NOTCH2NLA: variants seen among roughly 807,000 people sequenced by gnomAD.
NOTCH2NLA encodes the protein notch homolog 2 N-terminal-like protein A.
At chr1:146,158,164 TTTATTA>T (rs1223504509) in intron 3 of NOTCH2NLA, among the ~76,000 whole-genome samples, 21 of 150,414 alleles carry the variant, frequency 1.4e-4, no homozygotes, top group Non-Finnish European at 5.9e-5. Context: ...TCCTTGAATT[TTTATTA>T]TTATTATTAT....
intron 1 of NOTCH2NLA, among the ~76,000 whole-genome samples, chr1:146,210,329 CAAAGAAATAGTTGAGCCATT>C (rs1663768698): frequency 7.2e-5 from 1 of 13,942 alleles, no homozygotes; most frequent in East Asian, 1.4e-3. Context: ...CATGTGGCCT[CAAAGAAATAGTTGAGCCATT>C]ATTGTTGTTG....
intron 2 of NOTCH2NLA, among the ~76,000 whole-genome samples, chr1:146,174,400 C>CTTTTTTTTT (rs1209878010): frequency 1.0e-5 from 1 of 95,810 alleles, no homozygotes; most frequent in African/African-American, 4.1e-5. Context: ...CTGTCTTTAG[C>CTTTTTTTTT]TTTTTTTTTT....
intron 3 of NOTCH2NLA, among the ~76,000 whole-genome samples, chr1:146,159,425 AAGAAAGAAAGAAAGAAAGAAAG>A (rs1359130871): frequency 2.0e-5 from 3 of 150,416 alleles, no homozygotes; most frequent in Non-Finnish European, 3.0e-5. Flanking sequence ...GAAAGAAAGA[AAGAAAGAAAGAAAGAAAGAAAG>A]AGAAAGAAAG....
downstream of NOTCH2NLA, among the ~76,000 whole-genome samples, chr1:146,151,334 A>AG (rs1387459016): frequency 3.7e-5 from 2 of 53,528 alleles, no homozygotes; most frequent in African/African-American, 3.4e-4. Context: ...AAAAAAAAAA[A>AG]AAAAGAAAAG....
chr1:146,174,400 C>CTTTTTTT (rs1209878010), intron 2 of NOTCH2NLA, among the ~76,000 whole-genome samples: 1 of 95,810 alleles, frequency 1.0e-5, no homozygotes, highest in African/African-American at 4.1e-5. Context: ...CTGTCTTTAG[C>CTTTTTTT]TTTTTTTTTT....
At chr1:146,228,291 G>C (rs1553820249) in intron 1 of NOTCH2NLA, 1 of 871,228 alleles carries the variant, frequency 1.1e-6, no homozygotes, top group African/African-American at 1.9e-5. Context: ...GCCAGAATCT[G>C]GCATTCCTTC....
chr1:146,224,109 CA>C (rs201305025), intron 1 of NOTCH2NLA, among the ~76,000 whole-genome samples: 7 of 16,826 alleles, frequency 4.2e-4, no homozygotes, highest in East Asian at 1.0e-3. Context: ...TCTCTTGGTT[CA>C]AAAAAAAAAA....
At chr1:146,152,711 CTT>C (rs1341628330), downstream of NOTCH2NLA, 1 of 76,064 alleles carries the variant, frequency 1.3e-5, no homozygotes, top group Non-Finnish European at 2.6e-5. Flanking sequence ...CTGCTAAAGA[CTT>C]TACATAATGA....
At chr1:146,174,400 CTTT>C (rs1209878010) in intron 2 of NOTCH2NLA, among the ~76,000 whole-genome samples, 18 of 95,774 alleles carry the variant, frequency 1.9e-4, no homozygotes, top group African/African-American at 5.3e-4. Context: ...CTGTCTTTAG[CTTT>C]TTTTTTTTTT....
chr1:146,186,074 T>G (rs1662744864), intron 2 of NOTCH2NLA, among the ~76,000 whole-genome samples: 2 of 135,016 alleles, frequency 1.5e-5, no homozygotes, highest in African/African-American at 5.0e-5. Flanking sequence ...CTTGATATTG[T>G]TCTTGCTTTT....
At position 146,195,050 on chromosome 1, in the gene NOTCH2NLA, C is replaced by A. The variant is rs1469499101; in HGVS notation, c.-44-5669G>T. On this transcript the variant is annotated intron_variant, in intron 1 of 4. Coordinates refer to ENST00000362074, the Ensembl canonical transcript of NOTCH2NLA. The stretch of plus-strand genomic sequence containing the variant: ...TCTGGTCCTCACAGGGCCACCCCCC[C>A]CCATCCTTGTAACACTCATGACTCT... 1.8e-5 allele frequency among the ~76,000 whole-genome samples: 2 copies of A among 109,850 alleles called. 1 individual carries two copies. The highest frequency in any genetic ancestry group is 3.7e-5 in the Non-Finnish European group (2 of 54,488). The allele number at this position is 109,850 out of a possible 152,430, so 72.1% of individuals were successfully genotyped here. A position where few individuals can be genotyped will look rare whatever the true frequency, so the allele number is the denominator to read the frequency against.
Position 146,172,986 on chromosome 1 carries a change from A to G in NOTCH2NLA, c.39-7976T>C, listed in dbSNP as rs1364674685. Among the ~76,000 whole-genome samples the G allele has an allele frequency of 2.0e-5, 3 of 150,434 alleles. No homozygotes were observed. The East Asian group carries it at 5.9e-4, about 29-fold the overall frequency. On this transcript the variant is annotated intron_variant, in intron 2 of 4. Coordinates refer to ENST00000362074, the Ensembl canonical transcript of NOTCH2NLA. Reference sequence around the variant, plus strand: ...TCTACTCTGTGATCTGTCTGGTAGAATAACAGGCCAAATCAACCTAATAGT... The same window carrying G: ...TCTACTCTGTGATCTGTCTGGTAGAGTAACAGGCCAAATCAACCTAATAGT...
chr1:146,161,885 G>A lies in NOTCH2NLA; in HGVS notation c.298+2866C>T, dbSNP rs1263465117. The stretch of plus-strand genomic sequence containing the variant: ...TAGTATTACCATGCCCTGTGATTAA[G>A]GTCAATGGGCAACTACAACAGCCCA... On this transcript the variant is annotated intron_variant, in intron 3 of 4. Transcript: ENST00000362074. 6.5e-5 allele frequency among the ~76,000 whole-genome samples: 6 copies of A among 91,868 alleles called. 1 individual carries two copies. Among genetic ancestry groups the A allele is most frequent in the Non-Finnish European group, 1.2e-4 (6 of 49,102 alleles). 60.3% of individuals were successfully genotyped at this position (91,868 alleles called of 152,430 possible).
intron 2 of NOTCH2NLA, among the ~76,000 whole-genome samples, chr1:146,171,429 T>C (rs1237312738): frequency 7.3e-6 from 1 of 137,060 alleles, no homozygotes; most frequent in Non-Finnish European, 1.7e-5. Flanking sequence ...AGACTCCCTC[T>C]CAAAAAAAAA....
chr1:146,200,674 C>T (rs1385790650), intron 1 of NOTCH2NLA, among the ~76,000 whole-genome samples: 1 of 127,414 alleles, frequency 7.8e-6, no homozygotes, highest in Non-Finnish European at 1.7e-5. Context: ...GTTTTGATTA[C>T]TCATATTCTT....
intron 2 of NOTCH2NLA, among the ~76,000 whole-genome samples, chr1:146,175,565 ATCTC>A (rs1224354783): frequency 7.1e-6 from 1 of 140,102 alleles, no homozygotes; most frequent in African/African-American, 2.5e-5. Flanking sequence ...CAAGTATACA[ATCTC>A]TCACTCTCAC....
chr1:146,226,088 C>A, intron 1 of NOTCH2NLA, among the ~76,000 whole-genome samples: 3 of 123,390 alleles, frequency 2.4e-5, no homozygotes, highest in South Asian at 2.6e-4. Flanking sequence ...CAGAGAGATC[C>A]CAAGAAGTTA....
chr1:146,154,006 T>TACACACACACACACAC (rs376685172), downstream of NOTCH2NLA: 24 of 91,426 alleles, frequency 2.6e-4, 1 homozygote, highest in Non-Finnish European at 4.7e-4. Flanking sequence ...CACAACGCCA[T>TACACACACACACACAC]ACACACACAC....
intron 2 of NOTCH2NLA, among the ~76,000 whole-genome samples, chr1:146,185,856 T>C (rs1662732609): frequency 7.3e-6 from 1 of 136,826 alleles, no homozygotes; most frequent in African/African-American, 2.5e-5. Flanking sequence ...AGAATTTTTA[T>C]AAATCTTCTG....
Sources: allele counts gnomAD v4.1 joint callset (sites outside exome capture counted in the v4.1 genomes callset), GRCh38; gene constraint gnomAD v4.1.1; transcripts MANE v1.5; gene names NCBI Gene and HGNC (gene_info 2026-07-23, HGNC 2026-07-21).